GTF3C1: variants seen among roughly 807,000 people sequenced by gnomAD.
GTF3C1 encodes general transcription factor IIIC subunit 1, also known as general transcription factor 3C polypeptide 1.
Under a neutral mutation model 226.7 loss-of-function variants are expected in GTF3C1, and 57 were observed. The ratio of observed to expected loss-of-function variants is 0.25; its 90% CI spans 0.20 to 0.31. GTF3C1 has a LOEUF of 0.31. Among genes scored for constraint, GTF3C1 ranks in the 10% least tolerant of loss-of-function variants. GTF3C1 has a pLI of 1.00. For synonymous variants in GTF3C1, 1,090 were observed against 1,084.8 expected (o/e 1.00, Z -0.09); for missense variants, 2,217 against 2,776.1 (o/e 0.80, Z 4.53).
In GTF3C1 at chr16:27,483,112, C is replaced by T. The variant is rs2088081606; in HGVS notation, c.4015G>A (p.Glu1339Lys). 1.1e-5 allele frequency: 17 copies of T among 1,614,020 alleles called. No homozygotes were observed. Among genetic ancestry groups the T allele is most frequent in the Non-Finnish European group, 1.4e-5 (16 of 1,179,982 alleles). The change falls in exon 26 of 37, where the codon GAG becomes AAG. Residue 1339 changes from glutamate to lysine, a missense_variant. Glu to Lys is a moderately conservative substitution (Grantham distance 56). Around this residue, in one of 12 missense-constraint regions of GTF3C1, gnomAD observed 546 missense variants for 663.0 expected, o/e 0.82. Coordinates refer to ENST00000356183, the MANE Select transcript of GTF3C1 (RefSeq NM_001520.4). ...ACAAGTGCTTTATCCTGGTACACCT[C>T]GGCCAGGCACACTCTGCAGGAAGAG... is the stretch of plus-strand genomic sequence containing the variant. ...AYLNYKVCLA[E>K]VYQDKALVGD... is the part of the protein sequence containing the mutation.
intron 2 of GTF3C1, among the ~76,000 whole-genome samples, chr16:27,540,319 A>G (rs931858596): frequency 5.3e-5 from 8 of 152,372 alleles, no homozygotes; most frequent in Admixed American, 2.0e-4. Flanking sequence ...TCCACTTTAT[A>G]TATCTGAATT....
intron 1 of GTF3C1, among the ~76,000 whole-genome samples, chr16:27,547,567 A>C (rs1440040258): frequency 1.3e-5 from 2 of 152,124 alleles, no homozygotes; most frequent in Non-Finnish European, 2.9e-5. Flanking sequence ...CACCATGGTA[A>C]GCCAGACCAT....
Position 27,461,011 on chromosome 16 carries a change from A to C in GTF3C1, c.*339T>G. 1 of 215,712 alleles carries C rather than the reference A, an allele frequency of 4.6e-6. No homozygotes were observed. Among genetic ancestry groups the C allele is most frequent in the Non-Finnish European group, 9.3e-6 (1 of 107,330 alleles). The allele number at this position is 215,712 out of a possible 1,614,324, so 13.4% of individuals were successfully genotyped here. A position where few individuals can be genotyped will look rare whatever the true frequency, so the allele number is the denominator to read the frequency against. ...ACCTGGGCACTCAAGGAGCCAGGAG[A>C]TCCTGCCGAGATGGCTAGAGTCTGG... On this transcript the variant is annotated 3_prime_UTR_variant, in exon 37 of 37. Coordinates refer to ENST00000356183, the MANE Select transcript of GTF3C1 (RefSeq NM_001520.4). This position sits in a 1 kb window ranked among gnomAD's most constrained non-coding sequence, Gnocchi z 5.3.
chr16:27,549,638 C>A, intron 1 of GTF3C1, 32 bp downstream of exon 1: 1 of 903,066 alleles, frequency 1.1e-6, no homozygotes, highest in South Asian at 1.5e-5. Flanking sequence ...TGCGCCCGCC[C>A]GCCCGCCCGC....
Position 27,508,573 on chromosome 16 carries a change from C to T in GTF3C1, c.1209G>A (p.Leu403=). The T allele has an allele frequency of 1.2e-6, 2 of 1,614,102 alleles. No individual in the cohort carries two copies. Among genetic ancestry groups the T allele is most frequent in the Non-Finnish European group, 8.5e-7 (1 of 1,179,912 alleles). Residue 403 remains leucine, a synonymous_variant, in exon 8 of 37, where the codon CTG becomes CTA. Coordinates refer to ENST00000356183, the MANE Select transcript of GTF3C1 (RefSeq NM_001520.4). ...CTTTGAATCTTTGAAGAAGTCGGCA[C>T]AGCATTCTTGCTTCTAGTTTTCCCA... ...MNVGKLEARM[L]CRLLQRFKVV...
At chr16:27,495,586 A>G in intron 14 of GTF3C1, 94 bp from the exon 15 acceptor site, 1 of 1,171,784 alleles carries the variant, frequency 8.5e-7, no homozygotes, top group Non-Finnish European at 1.2e-6. Flanking sequence ...ACTATGTGCC[A>G]GGGGCCAGAA....
intron 23 of GTF3C1, among the ~76,000 whole-genome samples, chr16:27,486,565 C>T (rs540244331): frequency 1.3e-5 from 2 of 152,304 alleles, no homozygotes; most frequent in Admixed American, 1.3e-4. Flanking sequence ...CCCACGCTCC[C>T]TTGCTCTGTG....
chr16:27,521,367 G>A (rs1051527543), intron 6 of GTF3C1, among the ~76,000 whole-genome samples: 3 of 152,248 alleles, frequency 2.0e-5, no homozygotes, highest in African/African-American at 7.2e-5. Context: ...CGTGTGGCCA[G>A]TCACCCACCC....
intron 14 of GTF3C1, among the ~76,000 whole-genome samples, chr16:27,496,404 T>TTTGTTGTTTA (rs2088316803): frequency 6.6e-6 from 1 of 152,140 alleles, no homozygotes; most frequent in Admixed American, 6.5e-5. Context: ...AATCTCAGTT[T>TTTGTTGTTTA]TTGTTGTTTA....
chr16:27,516,016 A>G (rs1596647468), intron 6 of GTF3C1, among the ~76,000 whole-genome samples: 2 of 152,228 alleles, frequency 1.3e-5, no homozygotes, highest in African/African-American at 4.8e-5. Context: ...CAGTGAGCCC[A>G]GGCTGCCAGC....
At position 27,463,579 on chromosome 16, in the gene GTF3C1, ACT is replaced by A. The variant is rs1056967760; in HGVS notation, c.5884_5885del (p.Ser1962PhefsTer16). ...GSEDPRGFTE[S>X]FGAANISQAA... ...CCTGGGAGATGTTGGCAGCTCCGAA[ACT>A]CTCTGTGAACCCTGAGGGAAGAGGA... On this transcript the variant is annotated frameshift_variant, in exon 35 of 37. Coordinates refer to ENST00000356183, the MANE Select transcript of GTF3C1 (RefSeq NM_001520.4). LOFTEE classifies it high-confidence loss of function. The surrounding 1 kb of genome is among the most constrained non-coding windows in gnomAD (Gnocchi z 4.9). The A allele has an allele frequency of 1.2e-6, 2 of 1,601,132 alleles. No homozygotes were observed. Among genetic ancestry groups the A allele is most frequent in the Non-Finnish European group, 1.7e-6 (2 of 1,168,394 alleles).
intron 2 of GTF3C1, among the ~76,000 whole-genome samples, chr16:27,540,197 C>T (rs1356122229): frequency 1.3e-5 from 2 of 152,216 alleles, no homozygotes; most frequent in African/African-American, 4.8e-5. Context: ...TAACTTAACT[C>T]CATCTTTCTT....
intron 27 of GTF3C1, among the ~76,000 whole-genome samples, chr16:27,479,421 T>C (rs985663508): frequency 1.3e-5 from 2 of 152,164 alleles, no homozygotes; most frequent in African/African-American, 4.8e-5. Context: ...ATATGACAAA[T>C]TGGCCATTTG....
intron 5 of GTF3C1, among the ~76,000 whole-genome samples, chr16:27,531,971 GA>G (rs1567412759): frequency 1.3e-5 from 2 of 152,144 alleles, no homozygotes; most frequent in Admixed American, 1.3e-4. Context: ...AGTGCTCATG[GA>G]GTGACAAATG....
chr16:27,506,195 A>C (rs1463052853), intron 9 of GTF3C1, 79 bp from the exon 10 acceptor site: 2 of 750,060 alleles, frequency 2.7e-6, no homozygotes, highest in Admixed American at 2.2e-5. Flanking sequence ...GACCAGACCC[A>C]CACAGGCCAA....
At chr16:27,498,440 CT>C (rs372551488) in intron 13 of GTF3C1, among the ~76,000 whole-genome samples, 189 bp downstream of exon 13, 89 of 151,872 alleles carry the variant, frequency 5.9e-4, no homozygotes, top group African/African-American at 1.8e-3. Flanking sequence ...ACCATTAGGA[CT>C]TTTTTTTTCC....
rs1412060275 is a variant in GTF3C1, at chr16:27,488,720, T to C, written c.3430-85A>G. On this transcript the variant is annotated intron_variant, in intron 21 of 36. Transcript: ENST00000356183. ...AGAGTAACAAATGCACCGAGGTCTC[T>C]TAGGAAGGTAAGGGCCGCTGTGCAC... 9.4e-6 allele frequency: 11 copies of C among 1,168,974 alleles called. No homozygotes were observed. In the South Asian group the frequency reaches 1.4e-4, roughly 15 times the overall value. 72.4% of individuals were successfully genotyped at this position (1,168,974 alleles called of 1,614,324 possible).
chr16:27,511,599 C>A lies in GTF3C1; in HGVS notation c.1126+150G>T, dbSNP rs1307732967. The A allele has an allele frequency of 8.4e-6, 6 of 713,162 alleles. No individual in the cohort carries two copies. In the African/African-American group the frequency reaches 1.1e-4, roughly 13 times the overall value. The allele number at this position is 713,162 out of a possible 1,614,324, so 44.2% of individuals were successfully genotyped here. A position where few individuals can be genotyped will look rare whatever the true frequency, so the allele number is the denominator to read the frequency against. On this transcript the variant is annotated intron_variant, in intron 7 of 36. Transcript: ENST00000356183. ...AGCAAGGATTCAAACTCCAATCTGACCTTGAAGCCTAAACCCTTCTGGGGA... is the reference window on the plus strand; with the variant it reads ...AGCAAGGATTCAAACTCCAATCTGAACTTGAAGCCTAAACCCTTCTGGGGA...
chr16:27,488,168 C>T lies in GTF3C1; in HGVS notation c.3700+59G>A, dbSNP rs112801099. On this transcript the variant is annotated intron_variant, in intron 23 of 36. Transcript: ENST00000356183. ...AGGCCTGGCTGGAGTGAGGCTGTCG[C>T]ACATCTCCAAGCCAAAACAAAGACA... 1.8e-3 allele frequency: 2,714 copies of T among 1,480,000 alleles called. 33 individuals carry two copies. The African/African-American group carries it at 0.033, about 18-fold the overall frequency. The allele number at this position is 1,480,000 out of a possible 1,614,324, so 91.7% of individuals were successfully genotyped here.
Sources: gnomAD v4.1 joint callset for allele counts (sites outside exome capture counted in the v4.1 genomes callset) on GRCh38, gnomAD v4.1.1 for gene constraint, gnomAD v4.1.1 regional missense constraint, Gnocchi (gnomAD v3.1) non-coding constraint, MANE v1.5 for transcripts, NCBI Gene and HGNC (gene_info 2026-07-23, HGNC 2026-07-21) for gene names.